CFB: variants seen among roughly 807,000 people sequenced by gnomAD.
The protein encoded by CFB is complement factor B, also known as B-factor, properdin.
Under a neutral mutation model 97.2 loss-of-function variants are expected in CFB, and 59 were observed. The ratio of observed to expected loss-of-function variants is 0.61; its 90% confidence interval spans 0.49 to 0.75. The LOEUF (loss-of-function observed/expected upper bound fraction) is 0.75. Ranked by LOEUF, CFB falls within the 30% of genes least tolerant of loss-of-function variation. The pLI is 0.00. For synonymous variants in CFB, 316 were observed against 351.7 expected (o/e 0.90, Z 1.14); for missense variants, 771 against 959.8 (o/e 0.80, Z 2.60).
At position 31,950,326 on chromosome 6, in the gene CFB, T is replaced by A; in HGVS notation, c.1547T>A (p.Val516Glu). Reference sequence around the variant, plus strand: ...CACGAGAGCTGTATGGGGGCTGTGGTGTCTGAGTACTTTGTGCTGACAGCA... The same window carrying A: ...CACGAGAGCTGTATGGGGGCTGTGGAGTCTGAGTACTTTGTGCTGACAGCA... ...KGHESCMGAV[V>E]SEYFVLTAAH... Residue 516 changes from valine (V) to glutamate (E), a missense_variant, in exon 12 of 18, where the codon GTG becomes GAG. By Grantham distance (121) the Val-to-Glu change is moderately radical. Coordinates refer to ENST00000425368, the MANE Select transcript of CFB (RefSeq NM_001710.6). 1.2e-6 allele frequency: 2 copies of A among 1,613,074 alleles called. No individual in the cohort carries two copies. The highest frequency in any genetic ancestry group is 1.7e-6 in the Non-Finnish European group (2 of 1,180,016).
At position 31,948,023 on chromosome 6, in the gene CFB, G is replaced by A; in HGVS notation, c.839G>A (p.Ser280Asn). ...NIYLVLDGSD[S>N]IGASNFTGAK... is the part of the protein sequence containing the mutation. The stretch of plus-strand genomic sequence containing the variant: ...TACCTGGTGCTAGATGGATCAGACA[G>A]CATTGGGGCCAGCAACTTCACAGGA... Residue 280 changes from serine to asparagine, a missense_variant, in exon 6 of 18, where the codon AGC becomes AAC. Coordinates refer to ENST00000425368, the MANE Select transcript of CFB (RefSeq NM_001710.6). 6.2e-7 allele frequency: 1 copy of A among 1,614,180 alleles called. No homozygotes were observed. Among genetic ancestry groups the A allele is most frequent in the South Asian group, 1.1e-5 (1 of 91,082 alleles).
rs375954337 is a variant in CFB, at chr6:31,951,494, T to C, written c.2089+21T>C. The C allele has an allele frequency of 1.4e-4, 221 of 1,614,230 alleles. No homozygotes were observed. In the African/African-American group the frequency reaches 2.5e-3, roughly 18 times the overall value. ...CAGAGGTGAGAGAATGCTCTTTGGTTGTGCTACAAGTGCCCAAGGCCCAAC... is the reference window on the plus strand; with the variant it reads ...CAGAGGTGAGAGAATGCTCTTTGGTCGTGCTACAAGTGCCCAAGGCCCAAC... On this transcript the variant is annotated intron_variant, in intron 16 of 17. Transcript: ENST00000425368. This position sits in a 1 kb window ranked among gnomAD's most constrained non-coding sequence, Gnocchi z 4.3.
In CFB at chr6:31,946,996, C is replaced by G. The variant is rs747359956; in HGVS notation, c.299-11C>G. 65 of 1,612,942 alleles carry G rather than the reference C, an allele frequency of 4.0e-5. No homozygotes were observed. The highest frequency in any genetic ancestry group is 1.6e-4 in the Middle Eastern group (1 of 6,062). ...CTCTTGATGACTTCTACTTGTCCCC[C>G]CTTCTCAAAGCAATCCACTGTCCAA... On this transcript the variant is annotated splice_polypyrimidine_tract_variant and intron_variant, in intron 2 of 17. Transcript: ENST00000425368. This position sits in a 1 kb window ranked among gnomAD's most constrained non-coding sequence, Gnocchi z 6.4.
Position 31,950,093 on chromosome 6 carries a change from C to G in CFB, c.1452C>G (p.His484Gln). Residue 484 changes from histidine (H) to glutamine (Q), a missense_variant, in exon 11 of 18, where the codon CAC (histidine) becomes CAG (glutamine). By Grantham distance (24) the His-to-Gln change is conservative. Transcript: ENST00000425368. ...SLSLCGMVWE[H>Q]RKGTDYHKQP... is the part of the protein sequence containing the mutation. ...GTCTCTGTGGCATGGTTTGGGAACA[C>G]AGGAAGGGTACCGATTACCACAAGC... 6.2e-7 allele frequency: 1 copy of G among 1,613,050 alleles called. No homozygotes were observed. The highest frequency in any genetic ancestry group is 8.5e-7 in the Non-Finnish European group (1 of 1,180,028).
In CFB at chr6:31,946,495, C is replaced by T. The variant is rs560218488; in HGVS notation, c.187C>T (p.Pro63Ser). 3.7e-6 allele frequency: 6 copies of T among 1,613,046 alleles called. No individual in the cohort carries two copies. In the South Asian group the frequency reaches 5.5e-5, roughly 15 times the overall value. Residue 63 changes from proline to serine, a missense_variant, in exon 2 of 18, where the codon CCT becomes TCT. Pro to Ser is a moderately conservative substitution (Grantham distance 74). Transcript: ENST00000425368. The surrounding 1 kb of genome is among the most constrained non-coding windows in gnomAD (Gnocchi z 6.4). ...GGGCCAGGCACTGGAGTACGTGTGT[C>T]CTTCTGGCTTCTACCCGTACCCTGT... ...QEGQALEYVC[P>S]SGFYPYPVQT...
chr6:31,952,078 GACA>G lies in CFB; in HGVS notation c.*52_*54del. ...CGTGGGATTGAATTAAAACAGCTGC[GACA>G]ACACCTGTGTTCCAGATCCTTTTGG... On this transcript the variant is annotated 3_prime_UTR_variant, in exon 18 of 18. Coordinates refer to ENST00000425368, the MANE Select transcript of CFB (RefSeq NM_001710.6). 1 of 1,605,892 alleles carries G rather than the reference GACA, an allele frequency of 6.2e-7. No homozygotes were observed. The highest frequency in any genetic ancestry group is 8.5e-7 in the Non-Finnish European group (1 of 1,176,308).
At position 31,947,878 on chromosome 6, in the gene CFB, C is replaced by G; in HGVS notation, c.760+35C>G. ...CAGAGAAGGGAGGCAGGGCAGGGAA[C>G]TGGGGGAAAATGGAGAAGGGACAGA... is the stretch of plus-strand genomic sequence containing the variant. On this transcript the variant is annotated intron_variant, in intron 5 of 17. Transcript: ENST00000425368. This position sits in a 1 kb window ranked among gnomAD's most constrained non-coding sequence, Gnocchi z 5.3. 6.2e-7 allele frequency: 1 copy of G among 1,614,084 alleles called. No homozygotes were observed. Among genetic ancestry groups the G allele is most frequent in the Non-Finnish European group, 8.5e-7 (1 of 1,180,020 alleles).
At position 31,946,976 on chromosome 6, in the gene CFB, G is replaced by C. The variant is rs867917532; in HGVS notation, c.299-31G>C. On this transcript the variant is annotated intron_variant, in intron 2 of 17. Transcript: ENST00000425368. The surrounding 1 kb of genome is among the most constrained non-coding windows in gnomAD (Gnocchi z 6.4). ...ACACCTAAGGCAGCCTTTCCCTCTTGATGACTTCTACTTGTCCCCCCTTCT... is the reference window on the plus strand; with the variant it reads ...ACACCTAAGGCAGCCTTTCCCTCTTCATGACTTCTACTTGTCCCCCCTTCT... 6.2e-7 allele frequency: 1 copy of C among 1,612,340 alleles called. No individual in the cohort carries two copies. Among genetic ancestry groups the C allele is most frequent in the Middle Eastern group, 1.7e-4 (1 of 6,056 alleles).
In CFB at chr6:31,947,329, A is replaced by C. The variant is rs1771495948; in HGVS notation, c.485-19A>C. ...GCCTCAGGCTTCAGTGCTTACCTCG[A>C]TGTCTCATACCTCTGCAGCGGGGTA... On this transcript the variant is annotated intron_variant, in intron 3 of 17. Coordinates refer to ENST00000425368, the MANE Select transcript of CFB (RefSeq NM_001710.6). This position sits in a 1 kb window ranked among gnomAD's most constrained non-coding sequence, Gnocchi z 5.3. 6.2e-7 allele frequency: 1 copy of C among 1,612,746 alleles called. No homozygotes were observed. The highest frequency in any genetic ancestry group is 8.5e-7 in the Non-Finnish European group (1 of 1,179,974).
chr6:31,951,604 A>G lies in CFB; in HGVS notation c.2139A>G (p.Gln713=), dbSNP rs1386480768. ...TTCACAAGAGAAGTCGTTTCATTCA[A>G]GTGAGTCCTCCCTTTCCTATCTGGG... ...LIVHKRSRFI[Q]VGVISWGVVD... The change falls in exon 17 of 18, where the codon CAA becomes CAG. Residue 713 remains glutamine (Q), a splice_region_variant and synonymous_variant. Coordinates refer to ENST00000425368, the MANE Select transcript of CFB (RefSeq NM_001710.6). This position sits in a 1 kb window ranked among gnomAD's most constrained non-coding sequence, Gnocchi z 4.3. 6.2e-7 allele frequency: 1 copy of G among 1,614,188 alleles called. No homozygotes were observed. Among genetic ancestry groups the G allele is most frequent in the Non-Finnish European group, 8.5e-7 (1 of 1,180,036 alleles).
chr6:31,951,710 G>A lies in CFB; in HGVS notation c.2139+106G>A, dbSNP rs960809517. The A allele has an allele frequency of 1.0e-5, 16 of 1,554,496 alleles. No homozygotes were observed. The African/African-American group carries it at 1.6e-4, about 16-fold the overall frequency. ...TAGTAATTCGAGGTAGGCAGAGCCT[G>A]CCTCACCTTAGGACCGCATGTCTTG... On this transcript the variant is annotated intron_variant, in intron 17 of 17. Coordinates refer to ENST00000425368, the MANE Select transcript of CFB (RefSeq NM_001710.6). The surrounding 1 kb of genome is among the most constrained non-coding windows in gnomAD (Gnocchi z 4.3).
Position 31,946,319 on chromosome 6 carries a change from C to T in CFB, c.64+34C>T. ...GGGTAACCTTCCCTTCCTGCTGTCT[C>T]CAGCATCCCTCCTTGGCCTTTTGGG... On this transcript the variant is annotated intron_variant, in intron 1 of 17. Coordinates refer to ENST00000425368, the MANE Select transcript of CFB (RefSeq NM_001710.6). The surrounding 1 kb of genome is among the most constrained non-coding windows in gnomAD (Gnocchi z 6.4). 6.2e-7 allele frequency: 1 copy of T among 1,612,912 alleles called. No individual in the cohort carries two copies. The highest frequency in any genetic ancestry group is 2.2e-5 in the East Asian group (1 of 44,882).
intron 6 of CFB, 85 bp downstream of exon 6, chr6:31,948,166 GAAC>G: frequency 6.4e-7 from 1 of 1,569,066 alleles, no homozygotes; most frequent in Non-Finnish European, 8.7e-7. Context: ...CAGCCCCTCT[GAAC>G]AACAGGGCCC....
intron 7 of CFB, 49 bp downstream of exon 7, chr6:31,948,561 C>G: frequency 6.2e-7 from 1 of 1,612,056 alleles, no homozygotes; most frequent in Non-Finnish European, 8.5e-7. Context: ...TCAGGAGGTT[C>G]AGGGTGGAGG....
chr6:31,949,463 C>T lies in CFB; in HGVS notation c.1314C>T (p.Asn438=), dbSNP rs1301869718. The T allele has an allele frequency of 1.9e-6, 3 of 1,614,024 alleles. No homozygotes were observed. The highest frequency in any genetic ancestry group is 1.7e-6 in the Non-Finnish European group (2 of 1,180,050). ...FGVGPLVNQV[N]INALASKKDN... Reference sequence around the variant, plus strand: ...TCGGGCCTTTGGTGAACCAAGTGAACATCAATGCTTTGGCTTCCAAGAAAG... The same window carrying T: ...TCGGGCCTTTGGTGAACCAAGTGAATATCAATGCTTTGGCTTCCAAGAAAG... The change falls in exon 10 of 18, where the codon AAC becomes AAT. Residue 438 remains asparagine (N), a synonymous_variant. Coordinates refer to ENST00000425368, the MANE Select transcript of CFB (RefSeq NM_001710.6).
rs1009381263 is a variant in CFB at position 31,948,396 on chromosome 6, C to T, written c.920C>T (p.Pro307Leu). 6.2e-7 allele frequency: 1 copy of T among 1,614,158 alleles called. No homozygotes were observed. The change falls in exon 7 of 18, where the codon CCA becomes CTA. Residue 307 changes from proline (P) to leucine (L), a missense_variant. By Grantham distance (98) the Pro-to-Leu change is moderately conservative (BLOSUM62 -3). Transcript: ENST00000425368. ...IEKVASYGVK[P>L]RYGLVTYATY... ...CAGGTGGCAAGTTATGGTGTGAAGC[C>T]AAGATATGGTCTAGTGACATATGCC... is the stretch of plus-strand genomic sequence containing the variant.
At position 31,951,760 on chromosome 6, in the gene CFB, G is replaced by A; in HGVS notation, c.2140-115G>A. Reference sequence around the variant, plus strand: ...GCCTGCGTGTGTCAAGAACGAGGCTGAGCTGGGTCCCTAGTCTGATTCCTT... The same window carrying A: ...GCCTGCGTGTGTCAAGAACGAGGCTAAGCTGGGTCCCTAGTCTGATTCCTT... On this transcript the variant is annotated intron_variant, in intron 17 of 17. Transcript: ENST00000425368. The surrounding 1 kb of genome is among the most constrained non-coding windows in gnomAD (Gnocchi z 4.3). 3 of 1,584,354 alleles carry A rather than the reference G, an allele frequency of 1.9e-6. No homozygotes were observed. The highest frequency in any genetic ancestry group is 2.6e-6 in the Non-Finnish European group (3 of 1,154,086).
Position 31,947,897 on chromosome 6 carries a change from G to T in CFB, c.761-48G>T, listed in dbSNP as rs750518194. 1 of 1,614,154 alleles carries T rather than the reference G, an allele frequency of 6.2e-7. No homozygotes were observed. Among genetic ancestry groups the T allele is most frequent in the Non-Finnish European group, 8.5e-7 (1 of 1,180,034 alleles). ...AGGGAACTGGGGGAAAATGGAGAAG[G>T]GACAGAACTGTTAATGCTGGAGCCT... On this transcript the variant is annotated intron_variant, in intron 5 of 17. Transcript: ENST00000425368. This position sits in a 1 kb window ranked among gnomAD's most constrained non-coding sequence, Gnocchi z 5.3.
At position 31,951,334 on chromosome 6, in the gene CFB, C is replaced by A; in HGVS notation, c.1957-7C>A. 1 of 1,614,150 alleles carries A rather than the reference C, an allele frequency of 6.2e-7. No individual in the cohort carries two copies. Among genetic ancestry groups the A allele is most frequent in the Non-Finnish European group, 8.5e-7 (1 of 1,180,042 alleles). On this transcript the variant is annotated splice_polypyrimidine_tract_variant and splice_region_variant and intron_variant, in intron 15 of 17. Transcript: ENST00000425368. This position sits in a 1 kb window ranked among gnomAD's most constrained non-coding sequence, Gnocchi z 4.3. ...TTACTTCTCCATGCTTCCCACCTCC[C>A]CTACAGAAAGGCAGCTGTGAGAGAG...
Sources: gnomAD v4.1 joint callset for allele counts on GRCh38, gnomAD v4.1.1 for gene constraint, Gnocchi (gnomAD v3.1) non-coding constraint, MANE v1.5 for transcripts, NCBI Gene and HGNC (gene_info 2026-07-23, HGNC 2026-07-21) for gene names.